CTNNA3: variants seen among roughly 807,000 people sequenced by gnomAD.
CTNNA3 encodes the protein catenin alpha-3.
Under a neutral mutation model 95.7 loss-of-function variants are expected in CTNNA3, and 76 were observed. The ratio of observed to expected loss-of-function variants is 0.79; its 90% CI spans 0.66 to 0.96. The LOEUF (loss-of-function observed/expected upper bound fraction) is 0.96, where lower values mean the gene tolerates loss of function less well. Among genes scored for constraint, CTNNA3 ranks in the 40% least tolerant of loss-of-function variants. CTNNA3 has a pLI of 0.00. For synonymous variants in CTNNA3, 431 were observed against 374.4 expected, an observed-to-expected ratio of 1.15 and a Z score of -1.74; for missense variants, 1,191 against 1,089.8, an observed-to-expected ratio of 1.09 and a Z score of -1.31.
intron 7 of CTNNA3, among the ~76,000 whole-genome samples, chr10:67,040,535 A>G (rs1368272314): frequency 6.6e-6 from 1 of 151,406 alleles, no homozygotes; most frequent in Non-Finnish European, 1.5e-5. Context: ...TCTCTTACCC[A>G]CTCTCCCTTA....
Position 66,764,769 on chromosome 10 carries a change from C to T in CTNNA3, c.1281+1495G>A, listed in dbSNP as rs1839772853. Among the ~76,000 whole-genome samples the T allele has an allele frequency of 2.0e-5, 3 of 152,208 alleles. No individual in the cohort carries two copies. In the South Asian group the frequency reaches 6.2e-4, roughly 32 times the overall value. ...TACTTTTAACATTCTTTGGTGTCTA[C>T]AGTTAATAAATCTTTCTGGAATGTG... is the stretch of plus-strand genomic sequence containing the variant. On this transcript the variant is annotated intron_variant, in intron 9 of 17. Coordinates refer to ENST00000433211, the MANE Select transcript of CTNNA3 (RefSeq NM_013266.4).
intron 10 of CTNNA3, among the ~76,000 whole-genome samples, chr10:66,553,653 G>A (rs753529129): frequency 2.1e-5 from 3 of 139,636 alleles, no homozygotes; most frequent in Non-Finnish European, 3.0e-5. Context: ...TCAGCCTCCC[G>A]AGTACCTGGG....
At chr10:66,724,630 C>T (rs1281434438) in intron 9 of CTNNA3, among the ~76,000 whole-genome samples, 1 of 152,108 alleles carries the variant, frequency 6.6e-6, no homozygotes, top group Non-Finnish European at 1.5e-5. Flanking sequence ...AATTTAAAAG[C>T]TTCATTGAAT....
chr10:66,919,705 T>C (rs73331608), intron 7 of CTNNA3, among the ~76,000 whole-genome samples: 22 of 152,278 alleles, frequency 1.4e-4, no homozygotes, highest in African/African-American at 5.3e-4. Context: ...GGGTTTTTAA[T>C]GGAGCCCTTA....
At position 65,928,939 on chromosome 10, in the gene CTNNA3, A is replaced by G. The variant is rs377595970; in HGVS notation, c.2401-8322T>C. On this transcript the variant is annotated intron_variant, in intron 17 of 17. Coordinates refer to ENST00000433211, the MANE Select transcript of CTNNA3 (RefSeq NM_013266.4). ...TGTGCACAACGTGCAGGTTAGTTAC[A>G]TATGTATACATGTGCTATGTTGGTG... is the stretch of plus-strand genomic sequence containing the variant. 7.3e-4 allele frequency among the ~76,000 whole-genome samples: 111 copies of G among 152,250 alleles called. 6 individuals carry two copies. In the South Asian group the frequency reaches 0.02, roughly 28 times the overall value.
chr10:66,936,585 C>T (rs1847708876), intron 7 of CTNNA3, among the ~76,000 whole-genome samples: 2 of 152,056 alleles, frequency 1.3e-5, no homozygotes, highest in Non-Finnish European at 2.9e-5. Flanking sequence ...AAATGTTGAT[C>T]CTGTCAGAAA....
intron 16 of CTNNA3, among the ~76,000 whole-genome samples, chr10:65,986,159 C>T (rs2078423004): frequency 6.6e-6 from 1 of 151,246 alleles, no homozygotes; most frequent in South Asian, 2.1e-4. Flanking sequence ...GGATAGTTGA[C>T]TCTGAGTGTG....
intron 13 of CTNNA3, among the ~76,000 whole-genome samples, chr10:66,276,379 G>A (rs1175822992): frequency 2.0e-5 from 3 of 151,970 alleles, no homozygotes; most frequent in African/African-American, 7.2e-5. Context: ...TTCACTGCGG[G>A]CCACTTATAC....
At position 66,070,418 on chromosome 10, in the gene CTNNA3, G is replaced by A. The variant is rs148917366; in HGVS notation, c.1978-929C>T. ...ATGGGTTTTCTCCATCTTGACTACC[G>A]GTCATTATCATTCTCTCCATTCTCA... On this transcript the variant is annotated intron_variant, in intron 14 of 17. Transcript: ENST00000433211. Among the ~76,000 whole-genome samples, 435 of 152,138 alleles carry A rather than the reference G, an allele frequency of 2.9e-3. 8 individuals are homozygous for A. The highest frequency in any genetic ancestry group is 0.01 in the African/African-American group (422 of 41,540).
intron 7 of CTNNA3, among the ~76,000 whole-genome samples, chr10:67,078,149 C>A (rs1249283440): frequency 6.6e-6 from 1 of 152,172 alleles, no homozygotes; most frequent in Non-Finnish European, 1.5e-5. Flanking sequence ...CAAAGGTATT[C>A]TGAAAGTCTC....
chr10:66,030,627 C>A (rs116054983), intron 15 of CTNNA3, among the ~76,000 whole-genome samples: 130 of 152,228 alleles, frequency 8.5e-4, no homozygotes, highest in African/African-American at 3.1e-3. Context: ...TAGGAAATAC[C>A]TTTCTGAATG....
At chr10:66,123,988 C>T (rs1564671260) in intron 13 of CTNNA3, among the ~76,000 whole-genome samples, 2 of 152,170 alleles carry the variant, frequency 1.3e-5, no homozygotes, top group Non-Finnish European at 2.9e-5. Flanking sequence ...AGACATTATC[C>T]CCATTGTCTT....
At chr10:67,416,654 A>C (rs1845559053) in intron 5 of CTNNA3, among the ~76,000 whole-genome samples, 1 of 151,626 alleles carries the variant, frequency 6.6e-6, no homozygotes, top group African/African-American at 2.4e-5. Flanking sequence ...GGACATGAAC[A>C]GACACTTCTC....
intron 15 of CTNNA3, among the ~76,000 whole-genome samples, chr10:66,051,226 A>G (rs73308186): frequency 2.0e-5 from 3 of 152,306 alleles, no homozygotes; most frequent in African/African-American, 7.2e-5. Context: ...TAAGTCCTCA[A>G]GGACAGAAAT....
At chr10:66,052,104 A>G (rs1431566329) in intron 15 of CTNNA3, among the ~76,000 whole-genome samples, 3 of 152,174 alleles carry the variant, frequency 2.0e-5, no homozygotes, top group African/African-American at 7.2e-5. Context: ...ATTTGAAAGC[A>G]CAGAGTAAGC....
chr10:67,233,776 A>G (rs1186374561), intron 5 of CTNNA3, among the ~76,000 whole-genome samples: 9 of 151,808 alleles, frequency 5.9e-5, no homozygotes, highest in Admixed American at 6.6e-5. Flanking sequence ...AAGACTAATA[A>G]AGAAAAAAAG....
At chr10:67,255,582 A>G (rs1198926867) in intron 5 of CTNNA3, among the ~76,000 whole-genome samples, 2 of 152,184 alleles carry the variant, frequency 1.3e-5, no homozygotes, top group African/African-American at 2.4e-5. Flanking sequence ...TAACCCTATG[A>G]AGCAAATTAT....
At chr10:67,013,602 A>G (rs1365068927) in intron 7 of CTNNA3, among the ~76,000 whole-genome samples, 2 of 152,188 alleles carry the variant, frequency 1.3e-5, no homozygotes, top group African/African-American at 2.4e-5. Flanking sequence ...GATGGCTATG[A>G]GTACAGATTA....
chr10:65,932,422 T>C (rs1329198496), intron 17 of CTNNA3, among the ~76,000 whole-genome samples: 2 of 152,188 alleles, frequency 1.3e-5, no homozygotes, highest in African/African-American at 4.8e-5. Flanking sequence ...CAAGACCATA[T>C]GCTTTAAAAT....
Sources: gnomAD v4.1 joint callset for allele counts (sites outside exome capture counted in the v4.1 genomes callset) on GRCh38, gnomAD v4.1.1 for gene constraint, MANE v1.5 for transcripts, NCBI Gene and HGNC (gene_info 2026-07-23, HGNC 2026-07-21) for gene names.